DLGAP1: variants seen among roughly 807,000 people sequenced by gnomAD.
DLGAP1 encodes the protein DLG associated protein 1, also known as disks large-associated protein 1.
A neutral mutation model predicts 90.8 loss-of-function variants in DLGAP1; 11 were observed. The ratio of observed to expected loss-of-function variants is 0.12; its 90% CI spans 0.08 to 0.20. The LOEUF is 0.20. DLGAP1 is among the 10% of genes least tolerant of loss of function. The pLI is 1.00. For missense variants in DLGAP1, 1,050 were observed against 1,333.8 expected (o/e 0.79, Z 3.31); for synonymous variants, 558 against 540.7 (o/e 1.03, Z -0.44).
chr18:4,290,521 GCA>G (rs1378619789), intron 1 of DLGAP1, among the ~76,000 whole-genome samples: 1 of 152,232 alleles, frequency 6.6e-6, no homozygotes, highest in Non-Finnish European at 1.5e-5. Flanking sequence ...GCTCTTAAGT[GCA>G]CAGATAGAAG....
At chr18:3,927,991 A>G (rs1027631806) in intron 3 of DLGAP1, among the ~76,000 whole-genome samples, 1 of 152,168 alleles carries the variant, frequency 6.6e-6, no homozygotes, top group African/African-American at 2.4e-5. Flanking sequence ...GACCTTGAAG[A>G]CTTACCTGCT....
At chr18:3,757,290 C>T (rs2063756350) in intron 5 of DLGAP1, among the ~76,000 whole-genome samples, 1 of 152,132 alleles carries the variant, frequency 6.6e-6, no homozygotes, top group Admixed American at 6.6e-5. Flanking sequence ...CGCCTGTAGT[C>T]CCAGCTACTT....
chr18:4,452,695 A>C (rs1249478279), intron 1 of DLGAP1, among the ~76,000 whole-genome samples: 1 of 152,162 alleles, frequency 6.6e-6, no homozygotes, highest in Non-Finnish European at 1.5e-5. Flanking sequence ...ATTTGCTTTC[A>C]CTAATCGCTA....
chr18:3,574,115 T>C (rs1328793231), intron 8 of DLGAP1, among the ~76,000 whole-genome samples: 4 of 152,270 alleles, frequency 2.6e-5, no homozygotes, highest in African/African-American at 9.6e-5. Context: ...GAATCTTTTA[T>C]AGTTTTTCGA....
intron 3 of DLGAP1, among the ~76,000 whole-genome samples, chr18:3,970,764 T>C (rs1283445032): frequency 6.6e-6 from 1 of 151,972 alleles, no homozygotes; most frequent in Non-Finnish European, 1.5e-5. Flanking sequence ...TTGACATTAA[T>C]ATTAACATTA....
At chr18:3,515,991 A>G (rs2050822723) in intron 10 of DLGAP1, among the ~76,000 whole-genome samples, 1 of 152,116 alleles carries the variant, frequency 6.6e-6, no homozygotes, top group Non-Finnish European at 1.5e-5. Flanking sequence ...TCATGAAATT[A>G]TAGCAATTCA....
intron 7 of DLGAP1, among the ~76,000 whole-genome samples, chr18:3,625,978 C>CTTG (rs1375317815): frequency 6.6e-6 from 1 of 152,132 alleles, no homozygotes; most frequent in Non-Finnish European, 1.5e-5. Context: ...AGAAAGTAGA[C>CTTG]TTGTGCTTGC....
At chr18:3,926,810 A>T (rs1361933282) in intron 3 of DLGAP1, among the ~76,000 whole-genome samples, 1 of 152,132 alleles carries the variant, frequency 6.6e-6, no homozygotes, top group Non-Finnish European at 1.5e-5. Flanking sequence ...TTGTAACACC[A>T]TTCTTGACTA....
chr18:3,695,153 C>T (rs7243338), intron 7 of DLGAP1, among the ~76,000 whole-genome samples: 61,393 of 151,306 alleles, frequency 0.41, 13,206 homozygotes, highest in East Asian at 0.62. Flanking sequence ...ACCGTGTTAG[C>T]CAGGATGGTC....
chr18:4,235,461 T>C (rs1483336715), intron 1 of DLGAP1, among the ~76,000 whole-genome samples: 8 of 152,130 alleles, frequency 5.3e-5, no homozygotes, highest in African/African-American at 1.9e-4. Context: ...GCAGTTACTC[T>C]GCAAATCAAG....
At chr18:3,551,722 C>CCCTCCCTCCCTCCCTTCCTACCTT (rs2053473560) in intron 9 of DLGAP1, among the ~76,000 whole-genome samples, 1 of 12,538 alleles carries the variant, frequency 8.0e-5, no homozygotes, top group African/African-American at 3.9e-4. Flanking sequence ...CTCCCTCCCT[C>CCCTCCCTCCCTCCCTTCCTACCTT]CCTTCCTTCC....
intron 1 of DLGAP1, among the ~76,000 whole-genome samples, chr18:4,444,476 A>G (rs982292457): frequency 6.6e-6 from 1 of 152,210 alleles, no homozygotes; most frequent in Admixed American, 6.5e-5. Flanking sequence ...TTATAGGAAC[A>G]GCACATACAG....
intron 5 of DLGAP1, among the ~76,000 whole-genome samples, chr18:3,757,233 C>T (rs2063752924): frequency 1.3e-5 from 2 of 152,060 alleles, no homozygotes; most frequent in Non-Finnish European, 2.9e-5. Flanking sequence ...AATGGCGAAA[C>T]CCCATCTCTA....
At chr18:3,703,657 TTTTTTGTTTTTTG>T (rs2061348807) in intron 7 of DLGAP1, among the ~76,000 whole-genome samples, 1 of 152,208 alleles carries the variant, frequency 6.6e-6, no homozygotes, top group Non-Finnish European at 1.5e-5. Flanking sequence ...CTTTTCGTTC[TTTTTTGTTTTTTG>T]TTTTTGTTTT....
chr18:3,656,044 T>G (rs752633376), intron 7 of DLGAP1: 1 of 1,528,148 alleles, frequency 6.5e-7, no homozygotes, highest in South Asian at 1.2e-5. Flanking sequence ...ATGCAACCTT[T>G]AAGCAAAACA....
intron 5 of DLGAP1, among the ~76,000 whole-genome samples, chr18:3,781,477 C>T (rs928891791): frequency 6.6e-6 from 1 of 151,900 alleles, no homozygotes; most frequent in Non-Finnish European, 1.5e-5. Context: ...CTCAGCCTCC[C>T]GAGTAGCTGG....
intron 1 of DLGAP1, among the ~76,000 whole-genome samples, chr18:4,261,731 G>A (rs1461863447): frequency 6.6e-6 from 1 of 152,132 alleles, no homozygotes; most frequent in Non-Finnish European, 1.5e-5. Context: ...GATAGTGGCT[G>A]TGAAAAGACA....
chr18:3,717,291 C>A (rs1220801965), intron 7 of DLGAP1, among the ~76,000 whole-genome samples: 2 of 151,924 alleles, frequency 1.3e-5, no homozygotes, highest in African/African-American at 4.8e-5. Flanking sequence ...AGATTTGAGA[C>A]CAGGTTAGTA....
chr18:3,703,756 T>C (rs550704361), intron 7 of DLGAP1, among the ~76,000 whole-genome samples: 6 of 152,378 alleles, frequency 3.9e-5, no homozygotes, highest in South Asian at 4.1e-4. Context: ...GGAAACATTT[T>C]AGTTGCAGCT....
Sources: gnomAD v4.1 joint callset for allele counts (sites outside exome capture counted in the v4.1 genomes callset) on GRCh38, gnomAD v4.1.1 for gene constraint, MANE v1.5 for transcripts, NCBI Gene and HGNC (gene_info 2026-07-23, HGNC 2026-07-21) for gene names.